The following PRDM4 variants were observed in gnomAD, a reference collection of about 807,000 sequenced individuals.
PRDM4 encodes PR domain zinc finger protein 4.
Under a neutral mutation model 62.3 loss-of-function variants are expected in PRDM4, and 38 were observed. The ratio of observed to expected loss-of-function variants is 0.61; its 90% CI spans 0.47 to 0.80. The LOEUF (loss-of-function observed/expected upper bound fraction) is 0.80, where lower values mean the gene tolerates loss of function less well. Among genes scored for constraint, PRDM4 ranks in the 30% least tolerant of loss-of-function variants. The probability of loss-of-function intolerance (pLI) is 0.00; values close to 1 mark genes in which losing one functional copy is unlikely to be tolerated. For missense variants in PRDM4, 858 were observed against 997.1 expected (o/e 0.86, Z 1.88); for synonymous variants, 339 against 348.2 (o/e 0.97, Z 0.30).
intron 7 of PRDM4, among the ~76,000 whole-genome samples, chr12:107,743,593 C>T (rs1890587650): frequency 6.6e-6 from 1 of 152,194 alleles, no homozygotes. Flanking sequence ...CATCACCTAT[C>T]ACACAGTAGG....
At chr12:107,738,969 T>C (rs1018799541) in intron 11 of PRDM4, among the ~76,000 whole-genome samples, 1 of 151,940 alleles carries the variant, frequency 6.6e-6, no homozygotes, top group Non-Finnish European at 1.5e-5. Flanking sequence ...TGTCTCGCCA[T>C]TATTTCTGGA....
rs1300305363 is a variant in PRDM4 at position 107,756,881 on chromosome 12, ACTTC to A, written c.92_95del (p.Gly31ValfsTer30). ...TGGGTGAGGCAGCCAATCCCAGGTG[ACTTC>A]CTGAGACTGGCAAGGCATTGCTCAC... On this transcript the variant is annotated frameshift_variant, in exon 3 of 12. Transcript: ENST00000228437. LOFTEE classifies it high-confidence loss of function. 6.2e-7 allele frequency: 1 copy of A among 1,614,018 alleles called. No homozygotes were observed. The highest frequency in any genetic ancestry group is 1.3e-5 in the African/African-American group (1 of 74,916).
intron 11 of PRDM4, chr12:107,739,095 C>A (rs899229619): frequency 1.0e-5 from 3 of 296,464 alleles, no homozygotes; most frequent in Non-Finnish European, 1.9e-5. Flanking sequence ...TATAAGCAAC[C>A]ACTTGCAGTC....
chr12:107,743,616 G>A (rs1000962479), intron 7 of PRDM4, among the ~76,000 whole-genome samples: 20 of 152,194 alleles, frequency 1.3e-4, no homozygotes, highest in African/African-American at 4.8e-4. Flanking sequence ...CTGAATGACT[G>A]AATGTCCATT....
At chr12:107,750,512 C>T (rs1041496587) in intron 5 of PRDM4, among the ~76,000 whole-genome samples, 7 of 152,156 alleles carry the variant, frequency 4.6e-5, no homozygotes, top group Non-Finnish European at 8.8e-5. Context: ...CCACTGCACC[C>T]TAGCCTGGGC....
At chr12:107,751,289 A>C in intron 5 of PRDM4, 126 bp downstream of exon 5, 3 of 961,006 alleles carry the variant, frequency 3.1e-6, no homozygotes, top group Middle Eastern at 3.4e-4. Context: ...ATACCAAGGC[A>C]AAGAAAAGTT....
At chr12:107,746,077 G>C (rs1890692776) in intron 6 of PRDM4, among the ~76,000 whole-genome samples, 198 bp downstream of exon 6, 1 of 152,180 alleles carries the variant, frequency 6.6e-6, no homozygotes, top group African/African-American at 2.4e-5. Flanking sequence ...ACAAAGGAGA[G>C]ATTTCCCAAT....
intron 7 of PRDM4, among the ~76,000 whole-genome samples, chr12:107,743,625 T>C (rs561965299): frequency 6.6e-6 from 1 of 152,320 alleles, no homozygotes; most frequent in African/African-American, 2.4e-5. Flanking sequence ...TGAATGTCCA[T>C]TAAGGGCAGA....
At position 107,734,071 on chromosome 12, in the gene PRDM4, T is replaced by C; in HGVS notation, c.*139A>G. Reference sequence around the variant, plus strand: ...TTAGGATACTCTTCTGTAAGTGCTTTATTCATTCCCAGTCTGTTTTGATTA... The same window carrying C: ...TTAGGATACTCTTCTGTAAGTGCTTCATTCATTCCCAGTCTGTTTTGATTA... On this transcript the variant is annotated 3_prime_UTR_variant, in exon 12 of 12. Transcript: ENST00000228437. 1 of 851,910 alleles carries C rather than the reference T, an allele frequency of 1.2e-6. No individual in the cohort carries two copies. Among genetic ancestry groups the C allele is most frequent in the South Asian group, 1.8e-5 (1 of 54,328 alleles). The allele number at this position is 851,910 out of a possible 1,614,324, so 52.8% of individuals were successfully genotyped here.
intron 5 of PRDM4, among the ~76,000 whole-genome samples, chr12:107,748,602 C>T (rs1890796348): frequency 6.6e-6 from 1 of 152,148 alleles, no homozygotes; most frequent in Admixed American, 6.6e-5. Flanking sequence ...CGCATGATTC[C>T]ATTTATATGA....
chr12:107,753,212 T>A (rs1013961254), intron 4 of PRDM4, among the ~76,000 whole-genome samples: 3 of 151,954 alleles, frequency 2.0e-5, no homozygotes, highest in Non-Finnish European at 2.9e-5. Flanking sequence ...TCTCTTTTTT[T>A]AAAAAAGTTA....
At chr12:107,750,206 T>C (rs1593171643) in intron 5 of PRDM4, among the ~76,000 whole-genome samples, 1 of 152,196 alleles carries the variant, frequency 6.6e-6, no homozygotes, top group African/African-American at 2.4e-5. Flanking sequence ...TACTGTCTCT[T>C]GGTAGATCGT....
intron 6 of PRDM4, 29 bp downstream of exon 6, chr12:107,746,244 TAA>T: frequency 6.2e-7 from 1 of 1,609,508 alleles, no homozygotes; most frequent in Non-Finnish European, 8.5e-7. Context: ...AGAAGAGATG[TAA>T]TAGTGTTTTA....
In PRDM4 at chr12:107,734,919, A is replaced by C. The variant is rs979727089; in HGVS notation, c.2094-397T>G. Among the ~76,000 whole-genome samples, 9 of 152,292 alleles carry C rather than the reference A, an allele frequency of 5.9e-5. 1 individual carries two copies. Among genetic ancestry groups the C allele is most frequent in the Admixed American group, 6.5e-5 (1 of 15,286 alleles). On this transcript the variant is annotated intron_variant, in intron 11 of 11. Transcript: ENST00000228437. ...TACTGGATTTGTCTCTAGCTAATGA[A>C]TGTTTTGGTGGTTTCCAGTTTTTTA...
chr12:107,737,834 C>A (rs1890383401), intron 11 of PRDM4, among the ~76,000 whole-genome samples: 1 of 152,126 alleles, frequency 6.6e-6, no homozygotes, highest in Non-Finnish European at 1.5e-5. Flanking sequence ...GTCTTCTGGA[C>A]AAATATTTGT....
intron 11 of PRDM4, among the ~76,000 whole-genome samples, chr12:107,734,892 G>A (rs1016050541): frequency 1.2e-4 from 18 of 152,050 alleles, no homozygotes; most frequent in African/African-American, 4.1e-4. Flanking sequence ...ACTTATCTAT[G>A]GTACTGGATT....
chr12:107,746,726 G>T (rs1310095747), intron 5 of PRDM4, among the ~76,000 whole-genome samples: 1 of 151,824 alleles, frequency 6.6e-6, no homozygotes, highest in African/African-American at 2.4e-5. Flanking sequence ...CTCAGATGAT[G>T]CACCCACCTC....
chr12:107,741,261 C>CT lies in PRDM4; in HGVS notation c.1610-2dup, dbSNP rs1231189957. On this transcript the variant is annotated splice_acceptor_variant, in intron 9 of 11. Transcript: ENST00000228437. LOFTEE classifies it high-confidence loss of function. ...TGCACATCTGGGTGTTCAGGAACAC[C>CT]TTTTAAAAAAAAATTACTCATTATC... 1.3e-6 allele frequency: 2 copies of CT among 1,587,690 alleles called. No individual in the cohort carries two copies. The highest frequency in any genetic ancestry group is 2.3e-5 in the South Asian group (2 of 87,858).
At chr12:107,759,820 C>G (rs1891176167) in intron 2 of PRDM4, 1 of 152,244 alleles carries the variant, frequency 6.6e-6, no homozygotes, top group Non-Finnish European at 1.5e-5. Context: ...ATACTAAGCT[C>G]TATCTTCCCT....
Sources: gnomAD v4.1 joint callset for allele counts (sites outside exome capture counted in the v4.1 genomes callset) on GRCh38, gnomAD v4.1.1 for gene constraint, MANE v1.5 for transcripts, NCBI Gene and HGNC (gene_info 2026-07-23, HGNC 2026-07-21) for gene names.